Variants in REDIC1 observed in about 807,000 individuals in gnomAD.
REDIC1 encodes the protein HEI10 Interacting Protein 1.
At chr12:39,761,328 T>C in the REDIC1 span, among the ~76,000 whole-genome samples, 1 of 151,988 alleles carries the variant, frequency 6.6e-6, no homozygotes, top group Non-Finnish European at 1.5e-5. Flanking sequence ...ATCAGGGGCA[T>C]GTATAGGAGA....
the REDIC1 span, chr12:39,746,162 G>A: frequency 6.6e-6 from 1 of 152,304 alleles, no homozygotes; most frequent in Non-Finnish European, 1.5e-5. Context: ...GAAGCGCAAG[G>A]GGTCAGGGAA....
At chr12:39,745,415 C>A in the REDIC1 span, among the ~76,000 whole-genome samples, 1 of 150,034 alleles carries the variant, frequency 6.7e-6, no homozygotes, top group Non-Finnish European at 1.5e-5. Flanking sequence ...ATTTATAAAG[C>A]TGAGCTACTT....
chr12:39,670,734 TTTC>T, the REDIC1 span, among the ~76,000 whole-genome samples: 2 of 107,540 alleles, frequency 1.9e-5, no homozygotes, highest in East Asian at 2.3e-4. Flanking sequence ...TCTTTCTACA[TTTC>T]TTCTTCTTTT....
At chr12:39,713,501 CAT>C in the REDIC1 span, among the ~76,000 whole-genome samples, 278 of 150,118 alleles carry the variant, frequency 1.9e-3, no homozygotes, top group African/African-American at 6.0e-3. Context: ...TGTACACATA[CAT>C]ATGTATACAT....
At chr12:39,662,985 T>C in the REDIC1 span, among the ~76,000 whole-genome samples, 1 of 152,108 alleles carries the variant, frequency 6.6e-6, no homozygotes, top group Non-Finnish European at 1.5e-5. Context: ...CACTTGATGA[T>C]CATGTATTAT....
chr12:39,638,291 G>A, the REDIC1 span, among the ~76,000 whole-genome samples: 1 of 151,972 alleles, frequency 6.6e-6, no homozygotes, highest in Non-Finnish European at 1.5e-5. Context: ...AGGAGCTGCA[G>A]CAGGATTGAA....
chr12:39,669,310 G>A, the REDIC1 span, among the ~76,000 whole-genome samples: 2 of 152,160 alleles, frequency 1.3e-5, no homozygotes, highest in Non-Finnish European at 2.9e-5. Context: ...GAGTATGCTG[G>A]AGGTCCACTC....
the REDIC1 span, chr12:39,871,937 C>A: frequency 6.2e-7 from 1 of 1,607,928 alleles, no homozygotes; most frequent in Non-Finnish European, 8.5e-7. Flanking sequence ...CACCAGACAT[C>A]TGCAGAATGG....
At chr12:39,845,063 C>T in the REDIC1 span, among the ~76,000 whole-genome samples, 48 of 150,998 alleles carry the variant, frequency 3.2e-4, no homozygotes, top group Non-Finnish European at 5.2e-4. Context: ...GAACTTTTAT[C>T]CAAAACTAAT....
the REDIC1 span, among the ~76,000 whole-genome samples, chr12:39,684,463 A>C: frequency 6.6e-6 from 1 of 152,324 alleles, no homozygotes; most frequent in Non-Finnish European, 1.5e-5. Context: ...TTTTAGTGGG[A>C]TTGGCACTAC....
chr12:39,736,095 A>C, the REDIC1 span, among the ~76,000 whole-genome samples: 158 of 152,346 alleles, frequency 1.0e-3, no homozygotes, highest in South Asian at 0.024. Flanking sequence ...TTAATGGAAA[A>C]GGATGACTTG....
the REDIC1 span, among the ~76,000 whole-genome samples, chr12:39,703,489 C>T: frequency 2.3e-4 from 35 of 150,832 alleles, no homozygotes; most frequent in Middle Eastern, 3.4e-3. Context: ...GAATCAATAT[C>T]GTGAAAATGG....
the REDIC1 span, among the ~76,000 whole-genome samples, chr12:39,751,791 C>T: frequency 6.6e-6 from 1 of 152,084 alleles, no homozygotes; most frequent in Non-Finnish European, 1.5e-5. Context: ...TCTCAGCAAA[C>T]TATCACAAGG....
the REDIC1 span, chr12:39,736,623 A>G: frequency 6.6e-6 from 1 of 152,250 alleles, no homozygotes; most frequent in Non-Finnish European, 1.5e-5. Flanking sequence ...ACAAAACAGA[A>G]TGAGACAGAA....
At chr12:39,648,754 A>G in the REDIC1 span, among the ~76,000 whole-genome samples, 2 of 150,720 alleles carry the variant, frequency 1.3e-5, no homozygotes, top group Non-Finnish European at 3.0e-5. Flanking sequence ...TTTATAAATC[A>G]GTTTATAATT....
the REDIC1 span, among the ~76,000 whole-genome samples, chr12:39,773,844 G>T: frequency 6.6e-6 from 1 of 152,158 alleles, no homozygotes; most frequent in Non-Finnish European, 1.5e-5. Context: ...GTTTATAAAA[G>T]ATCCAGAATT....
chr12:39,906,586 G>T, the REDIC1 span, among the ~76,000 whole-genome samples: 1 of 152,090 alleles, frequency 6.6e-6, no homozygotes, highest in Non-Finnish European at 1.5e-5. Flanking sequence ...TTCTGTGAAA[G>T]TTAAACCTAG....
chr12:39,713,393 G>T, the REDIC1 span, among the ~76,000 whole-genome samples: 1 of 141,720 alleles, frequency 7.1e-6, no homozygotes, highest in Non-Finnish European at 1.6e-5. Context: ...TATGTGTGTA[G>T]ACACATACGT....
chr12:39,661,876 T>C, the REDIC1 span, among the ~76,000 whole-genome samples: 3 of 152,094 alleles, frequency 2.0e-5, no homozygotes, highest in African/African-American at 4.8e-5. Context: ...TATGGATTTC[T>C]AGTTTACCCA....
Sources: gnomAD v4.1 joint callset for allele counts (sites outside exome capture counted in the v4.1 genomes callset) on GRCh38, gnomAD v4.1.1 for gene constraint, MANE v1.5 for transcripts, NCBI Gene and HGNC (gene_info 2026-07-23, HGNC 2026-07-21) for gene names.